The following NRXN3 variants were observed in gnomAD, a reference collection of about 807,000 sequenced individuals.
The protein encoded by NRXN3 is neurexin 3.
A neutral mutation model predicts 137.6 loss-of-function variants in NRXN3; 32 were observed. The observed-to-expected ratio is 0.23, with a 90% CI of 0.18 to 0.31. The LOEUF is 0.31. Ranked by LOEUF, NRXN3 falls within the 10% of genes least tolerant of loss-of-function variation. The probability of loss-of-function intolerance (pLI) is 1.00; values close to 1 mark genes in which losing one functional copy is unlikely to be tolerated. For synonymous variants in NRXN3, 798 were observed against 784.5 expected, an observed-to-expected ratio of 1.02 and a Z score of -0.29; for missense variants, 1,574 against 2,062.5, an observed-to-expected ratio of 0.76 and a Z score of 4.59.
chr14:79,055,765 G>A (rs2099659548), intron 15 of NRXN3, among the ~76,000 whole-genome samples: 1 of 151,948 alleles, frequency 6.6e-6, no homozygotes, highest in South Asian at 2.1e-4. Context: ...GTAGGGAAAG[G>A]TGGGCTGGAG....
At chr14:79,561,013 G>A (rs1032120052) in intron 16 of NRXN3, among the ~76,000 whole-genome samples, 1 of 152,158 alleles carries the variant, frequency 6.6e-6, no homozygotes, top group Non-Finnish European at 1.5e-5. Context: ...TGCAGAGACT[G>A]TATTTGTCTT....
At chr14:78,252,093 T>C (rs1212795258) in intron 2 of NRXN3, among the ~76,000 whole-genome samples, 2 of 152,176 alleles carry the variant, frequency 1.3e-5, no homozygotes, top group Non-Finnish European at 2.9e-5. Flanking sequence ...ATCGTCTATA[T>C]CCGCTCTCAA....
At chr14:79,705,156 C>T (rs1273028909) in intron 19 of NRXN3, among the ~76,000 whole-genome samples, 1 of 152,094 alleles carries the variant, frequency 6.6e-6, no homozygotes, top group Non-Finnish European at 1.5e-5. Context: ...GCTCTTATTT[C>T]TAGGCATCTG....
chr14:79,007,445 A>C (rs1178954715), intron 15 of NRXN3, among the ~76,000 whole-genome samples: 1 of 140,636 alleles, frequency 7.1e-6, no homozygotes, highest in African/African-American at 2.7e-5. Context: ...TCTGAAAAAA[A>C]AAAGTCATGA....
intron 4 of NRXN3, among the ~76,000 whole-genome samples, chr14:78,557,799 A>G (rs1288561525): frequency 1.3e-5 from 2 of 152,240 alleles, no homozygotes; most frequent in Non-Finnish European, 2.9e-5. Flanking sequence ...GATACTTGTT[A>G]AGATAATTCA....
intron 15 of NRXN3, among the ~76,000 whole-genome samples, chr14:79,173,987 A>G (rs1441128264): frequency 2.0e-5 from 3 of 152,234 alleles, no homozygotes; most frequent in Non-Finnish European, 4.4e-5. Flanking sequence ...ATATATCTTT[A>G]TCCATAAATG....
At position 79,121,914 on chromosome 14, in the gene NRXN3, G is replaced by A. The variant is rs533909498; in HGVS notation, c.3262+133773G>A. On this transcript the variant is annotated intron_variant, in intron 15 of 20. Transcript: ENST00000335750. The stretch of plus-strand genomic sequence containing the variant: ...ACCAAGCAAAATGCAGACTACCTGT[G>A]TGTATATGTACATTTAGTATTTTTT... Among the ~76,000 whole-genome samples, 186 of 152,312 alleles carry A rather than the reference G, an allele frequency of 1.2e-3. 1 individual carries two copies. The highest frequency in any genetic ancestry group is 3.4e-3 in the Middle Eastern group (1 of 294).
At chr14:79,155,177 T>C (rs1352505687) in intron 15 of NRXN3, among the ~76,000 whole-genome samples, 1 of 151,888 alleles carries the variant, frequency 6.6e-6, no homozygotes, top group African/African-American at 2.4e-5. Context: ...CTCCTGAAGC[T>C]GGAGAAGAGA....
At chr14:78,207,718 C>T (rs750458444) in intron 1 of NRXN3, among the ~76,000 whole-genome samples, 11 of 152,218 alleles carry the variant, frequency 7.2e-5, no homozygotes, top group East Asian at 1.9e-4. Context: ...TTAGTCATCA[C>T]GCCCTTTTGG....
intron 1 of NRXN3, among the ~76,000 whole-genome samples, chr14:78,184,360 GT>G (rs1402650962): frequency 6.6e-6 from 1 of 152,186 alleles, no homozygotes; most frequent in African/African-American, 2.4e-5. Flanking sequence ...AGCCACTCAT[GT>G]CTTTGAGCTT....
At chr14:79,340,419 T>C (rs546999883) in intron 15 of NRXN3, among the ~76,000 whole-genome samples, 124 of 152,300 alleles carry the variant, frequency 8.1e-4, no homozygotes, top group African/African-American at 2.9e-3. Flanking sequence ...TTTGAGAACA[T>C]TGAAAGGTGC....
intron 4 of NRXN3, among the ~76,000 whole-genome samples, chr14:78,394,714 T>C (rs959682128): frequency 2.0e-5 from 3 of 151,894 alleles, no homozygotes; most frequent in African/African-American, 7.2e-5. Flanking sequence ...TTTTGGGAAG[T>C]ATTTTAATTA....
At chr14:78,743,665 G>A (rs142095625) in intron 8 of NRXN3, among the ~76,000 whole-genome samples, 1 of 152,278 alleles carries the variant, frequency 6.6e-6, no homozygotes, top group East Asian at 1.9e-4. Flanking sequence ...AGTTTCTTAA[G>A]ACCAAGGCAC....
rs540535381 is a variant in NRXN3 at position 78,937,341 on chromosome 14, C to T, written c.2276-19901C>T. On this transcript the variant is annotated intron_variant, in intron 10 of 20. Coordinates refer to ENST00000335750, the MANE Select transcript of NRXN3 (RefSeq NM_001330195.2). The stretch of plus-strand genomic sequence containing the variant: ...CTGTGGTCTATAAATGTACATACCC[C>T]ACCTTTGCTGTAGTTGATGCCTCTG... 2.6e-5 allele frequency among the ~76,000 whole-genome samples: 4 copies of T among 152,264 alleles called. No individual in the cohort carries two copies. The South Asian group carries it at 8.3e-4, about 32-fold the overall frequency.
chr14:78,464,378 G>A (rs1456734623), intron 4 of NRXN3, among the ~76,000 whole-genome samples: 1 of 152,146 alleles, frequency 6.6e-6, no homozygotes, highest in Non-Finnish European at 1.5e-5. Context: ...TTTTGATGAA[G>A]CACAAATGTG....
chr14:79,488,703 A>G (rs1273723545), intron 16 of NRXN3, among the ~76,000 whole-genome samples: 1 of 152,212 alleles, frequency 6.6e-6, no homozygotes, highest in Non-Finnish European at 1.5e-5. Context: ...AGAAACTCTG[A>G]GGAGGAAATT....
intron 4 of NRXN3, among the ~76,000 whole-genome samples, chr14:78,640,854 T>G (rs777521828): frequency 6.6e-6 from 1 of 152,236 alleles, no homozygotes; most frequent in Non-Finnish European, 1.5e-5. Flanking sequence ...TTTACACTTA[T>G]GCAGTTGATT....
At chr14:78,190,602 G>A (rs1441934240) in intron 1 of NRXN3, among the ~76,000 whole-genome samples, 2 of 151,068 alleles carry the variant, frequency 1.3e-5, no homozygotes, top group South Asian at 2.1e-4. Context: ...TGCAGCTTGT[G>A]TCAGTAACAT....
At chr14:78,826,642 T>G (rs996304946) in intron 10 of NRXN3, among the ~76,000 whole-genome samples, 2 of 152,202 alleles carry the variant, frequency 1.3e-5, no homozygotes, top group Non-Finnish European at 2.9e-5. Context: ...AAACTACAAT[T>G]ACCAGAAACA....
Sources: allele counts gnomAD v4.1 joint callset (sites outside exome capture counted in the v4.1 genomes callset), GRCh38; gene constraint gnomAD v4.1.1; transcripts MANE v1.5; gene names NCBI Gene and HGNC (gene_info 2026-07-23, HGNC 2026-07-21).